XIRP2: variants seen among roughly 807,000 people sequenced by gnomAD.
The protein encoded by XIRP2 is xin actin-binding repeat-containing protein 2.
A neutral mutation model predicts 277.0 loss-of-function variants in XIRP2; 236 were observed. The ratio of observed to expected loss-of-function variants is 0.85; its 90% CI spans 0.77 to 0.95. XIRP2 has a LOEUF of 0.95. Among genes scored for constraint, XIRP2 ranks in the 40% least tolerant of loss-of-function variants. The probability of loss-of-function intolerance (pLI) is 0.00; values close to 1 mark genes in which losing one functional copy is unlikely to be tolerated. For missense variants in XIRP2, 4,640 were observed against 4,157.5 expected (o/e 1.12, Z -3.19); for synonymous variants, 1,490 against 1,416.5 (o/e 1.05, Z -1.17).
At chr2:167,203,287 T>G (rs1693772193) in intron 3 of XIRP2, among the ~76,000 whole-genome samples, 1 of 152,242 alleles carries the variant, frequency 6.6e-6, no homozygotes, top group East Asian at 1.9e-4. Context: ...TCTCTTCCAG[T>G]ATCTGGTGAA....
intron 2 of XIRP2, among the ~76,000 whole-genome samples, chr2:166,995,640 A>T (rs962797064): frequency 9.2e-5 from 14 of 152,330 alleles, no homozygotes; most frequent in Admixed American, 5.2e-4. Flanking sequence ...CTCCTATAAT[A>T]TGGGGATAAA....
chr2:166,940,003 G>A (rs1183485516), intron 2 of XIRP2, among the ~76,000 whole-genome samples: 1 of 152,172 alleles, frequency 6.6e-6, no homozygotes, highest in African/African-American at 2.4e-5. Context: ...TGCCTTTCTA[G>A]ATTGGGGAAG....
chr2:167,092,039 G>A (rs995403712), intron 2 of XIRP2, among the ~76,000 whole-genome samples: 2 of 152,144 alleles, frequency 1.3e-5, no homozygotes, highest in African/African-American at 4.8e-5. Flanking sequence ...GGAACCAAGA[G>A]TTCAGCACAA....
chr2:167,242,672 G>T lies in XIRP2; in HGVS notation c.1280G>T (p.Arg427Ile). 1.9e-6 allele frequency: 3 copies of T among 1,614,066 alleles called. No homozygotes were observed. The South Asian group carries it at 3.3e-5, about 18-fold the overall frequency. ...TSQRKETSTTRYSDHSVTSST... is the reference protein window; with the variant it reads ...TSQRKETSTTIYSDHSVTSST... ...CAGAGGAAGGAAACATCAACTACAAGATATAGTGATCACAGTGTCACTTCC... is the reference window on the plus strand; with the variant it reads ...CAGAGGAAGGAAACATCAACTACAATATATAGTGATCACAGTGTCACTTCC... Residue 427 changes from arginine (R) to isoleucine (I), a missense_variant, in exon 9 of 11, where the codon AGA becomes ATA. By Grantham distance (97) the Arg-to-Ile change is moderately conservative. Coordinates refer to ENST00000409195, the MANE Select transcript of XIRP2 (RefSeq NM_152381.6).
At chr2:166,901,713 C>A (rs940759952) in intron 1 of XIRP2, among the ~76,000 whole-genome samples, 8 of 152,182 alleles carry the variant, frequency 5.3e-5, no homozygotes, top group African/African-American at 1.9e-4. Flanking sequence ...TGTTTAAATT[C>A]TCAACATATG....
intron 2 of XIRP2, among the ~76,000 whole-genome samples, chr2:167,122,708 CT>C (rs1691091121): frequency 6.6e-6 from 1 of 152,126 alleles, no homozygotes; most frequent in African/African-American, 2.4e-5. Context: ...CAAAAGGCCC[CT>C]TTTTGAGAAA....
At chr2:166,932,892 ATTTGG>A (rs1216843432) in intron 2 of XIRP2, among the ~76,000 whole-genome samples, 1 of 152,046 alleles carries the variant, frequency 6.6e-6, no homozygotes, top group Non-Finnish European at 1.5e-5. Flanking sequence ...TATTCTATTC[ATTTGG>A]TCTGTTTGTC....
chr2:167,012,664 C>A (rs1687713804), intron 2 of XIRP2, among the ~76,000 whole-genome samples: 1 of 151,496 alleles, frequency 6.6e-6, no homozygotes, highest in African/African-American at 2.4e-5. Context: ...TGTAAAATGT[C>A]CTGGTCAGCA....
chr2:167,196,532 C>T (rs1056928512), intron 3 of XIRP2, among the ~76,000 whole-genome samples: 10 of 151,516 alleles, frequency 6.6e-5, no homozygotes, highest in Admixed American at 5.3e-4. Context: ...CTTTAAAGAA[C>T]GACACAGAGA....
intron 2 of XIRP2, among the ~76,000 whole-genome samples, chr2:166,961,417 T>C (rs536925931): frequency 6.6e-6 from 1 of 151,770 alleles, no homozygotes; most frequent in South Asian, 2.1e-4. Context: ...GCTGAATTTG[T>C]ATTATAAGTT....
At chr2:167,117,396 A>G (rs1690926138) in intron 2 of XIRP2, among the ~76,000 whole-genome samples, 1 of 152,198 alleles carries the variant, frequency 6.6e-6, no homozygotes, top group Non-Finnish European at 1.5e-5. Flanking sequence ...ATCCATTTAA[A>G]GGTGACTCAA....
chr2:167,208,980 C>T (rs1693941147), intron 3 of XIRP2, among the ~76,000 whole-genome samples: 4 of 152,176 alleles, frequency 2.6e-5, no homozygotes, highest in Admixed American at 2.6e-4. Flanking sequence ...AGCTTTTCCT[C>T]AGCATGTGAA....
chr2:167,096,226 A>C (rs2105281133), intron 2 of XIRP2, among the ~76,000 whole-genome samples: 1 of 151,912 alleles, frequency 6.6e-6, no homozygotes, highest in African/African-American at 2.4e-5. Context: ...CAATTTCAGA[A>C]CTTGTTATTG....
chr2:167,201,454 C>T (rs761572379), intron 3 of XIRP2, among the ~76,000 whole-genome samples: 9 of 152,074 alleles, frequency 5.9e-5, no homozygotes, highest in Non-Finnish European at 8.8e-5. Flanking sequence ...GAAAGCGCGA[C>T]ACCACCTCCC....
At chr2:166,891,204 A>G (rs1684095046) in intron 1 of XIRP2, among the ~76,000 whole-genome samples, 1 of 152,330 alleles carries the variant, frequency 6.6e-6, no homozygotes, top group Middle Eastern at 3.4e-3. Context: ...CGGTAAGATA[A>G]GCTTATTGCA....
chr2:166,891,637 G>C (rs1448130890), intron 1 of XIRP2, among the ~76,000 whole-genome samples: 1 of 151,718 alleles, frequency 6.6e-6, no homozygotes, highest in Non-Finnish European at 1.5e-5. Flanking sequence ...TCAATTACTT[G>C]CTTTATTTGG....
intron 3 of XIRP2, among the ~76,000 whole-genome samples, chr2:167,176,816 G>A (rs1466222558): frequency 6.6e-6 from 1 of 152,160 alleles, no homozygotes; most frequent in African/African-American, 2.4e-5. Flanking sequence ...AGCAAGTCCT[G>A]GTAGTTGAGT....
chr2:166,898,543 G>A lies in XIRP2; in HGVS notation c.-18-4922G>A, dbSNP rs550215758. On this transcript the variant is annotated intron_variant, in intron 1 of 10. Coordinates refer to ENST00000409195, the MANE Select transcript of XIRP2 (RefSeq NM_152381.6). ...AGATTCATTGGACATAGCAAAGATA[G>A]TACAGAGAGATCTTTTGTATGATTT... is the stretch of plus-strand genomic sequence containing the variant. Among the ~76,000 whole-genome samples, 3 of 152,214 alleles carry A rather than the reference G, an allele frequency of 2.0e-5. No individual in the cohort carries two copies. The South Asian group carries it at 6.2e-4, about 32-fold the overall frequency.
rs375594951 is a variant in XIRP2, at chr2:167,246,226, C to T, written c.4834C>T (p.Leu1612=). ...TGATCTCAGAAATATAATGGTGAAC[C>T]TACTTTCCAAAAGGGACTGTACTGA... ...RADLRNIMVN[L]LSKRDCTERE... Residue 1612 remains leucine, a synonymous_variant, in exon 9 of 11, where the codon CTA becomes TTA. Coordinates refer to ENST00000409195, the MANE Select transcript of XIRP2 (RefSeq NM_152381.6). 6.2e-7 allele frequency: 1 copy of T among 1,613,250 alleles called. No individual in the cohort carries two copies. Among genetic ancestry groups the T allele is most frequent in the Non-Finnish European group, 8.5e-7 (1 of 1,179,718 alleles).
Sources: gnomAD v4.1 joint callset for allele counts (sites outside exome capture counted in the v4.1 genomes callset) on GRCh38, gnomAD v4.1.1 for gene constraint, MANE v1.5 for transcripts, NCBI Gene and HGNC (gene_info 2026-07-23, HGNC 2026-07-21) for gene names.